IL1RAPL2: variants seen among roughly 807,000 people sequenced by gnomAD.
The protein encoded by IL1RAPL2 is interleukin 1 receptor accessory protein like 2.
A neutral mutation model predicts 44.1 loss-of-function variants in IL1RAPL2; 3 were observed. That is an observed-to-expected ratio of 0.07 (90% CI 0.03 to 0.18). IL1RAPL2 has a LOEUF of 0.18. Ranked by LOEUF, IL1RAPL2 falls within the 10% of genes least tolerant of loss-of-function variation. The pLI is 1.00. For missense variants in IL1RAPL2, 391 were observed against 496.4 expected, an observed-to-expected ratio of 0.79 and a Z score of 2.02; for synonymous variants, 181 against 178.8, an observed-to-expected ratio of 1.01 and a Z score of -0.10.
intron 5 of IL1RAPL2, among the ~76,000 whole-genome samples, chrX:105,401,129 C>A (rs1285872846): frequency 1.8e-5 from 2 of 111,467 alleles, no homozygotes; most frequent in African/African-American, 6.5e-5. Flanking sequence ...GAGGGTGAAA[C>A]CTTCATAGCC....
At chrX:105,006,211 C>T (rs5962456) in intron 2 of IL1RAPL2, among the ~76,000 whole-genome samples, 1 of 108,741 alleles carries the variant, frequency 9.2e-6, no homozygotes, top group East Asian at 2.9e-4. Context: ...TTCCCCTCCT[C>T]GTGGGTATTT....
intron 2 of IL1RAPL2, among the ~76,000 whole-genome samples, chrX:105,161,264 C>G (rs1178971002): frequency 9.4e-6 from 1 of 106,719 alleles, no homozygotes; most frequent in Non-Finnish European, 1.9e-5. Flanking sequence ...CTTAAAATAA[C>G]TCACTACTTA....
chrX:105,411,907 C>T (rs891196607), intron 5 of IL1RAPL2, among the ~76,000 whole-genome samples: 10 of 111,652 alleles, frequency 9.0e-5, no homozygotes, highest in African/African-American at 2.6e-4. Flanking sequence ...TGTTAGGCCA[C>T]AAAACAAATA....
At chrX:104,910,830 A>G (rs1042863311) in intron 2 of IL1RAPL2, among the ~76,000 whole-genome samples, 4 of 112,098 alleles carry the variant, frequency 3.6e-5, no homozygotes, top group African/African-American at 1.3e-4. Context: ...TTAAATGGAT[A>G]TATTTTCAGA....
chrX:105,390,222 T>C (rs1458669588), intron 5 of IL1RAPL2, among the ~76,000 whole-genome samples: 1 of 111,315 alleles, frequency 9.0e-6, no homozygotes, highest in African/African-American at 3.3e-5. Flanking sequence ...CACACTTCAG[T>C]GGGTTTCCAT....
At chrX:104,860,501 A>G (rs1454213310) in intron 2 of IL1RAPL2, among the ~76,000 whole-genome samples, 1 of 111,823 alleles carries the variant, frequency 8.9e-6, no homozygotes. Flanking sequence ...ATAAAACATC[A>G]TCCTTACCTT....
chrX:105,240,129 A>G (rs1427507080), intron 4 of IL1RAPL2, among the ~76,000 whole-genome samples: 1 of 112,531 alleles, frequency 8.9e-6, no homozygotes, highest in Non-Finnish European at 1.9e-5. Flanking sequence ...GGATTATTTT[A>G]TCTTTTTCAT....
intron 2 of IL1RAPL2, among the ~76,000 whole-genome samples, chrX:104,691,925 C>G (rs1375406113): frequency 1.8e-5 from 2 of 111,276 alleles, no homozygotes; most frequent in African/African-American, 6.5e-5. Flanking sequence ...GTCAGGTCTT[C>G]TCAAGCACCA....
chrX:105,471,882 T>G (rs747095635), intron 5 of IL1RAPL2, among the ~76,000 whole-genome samples: 1 of 111,861 alleles, frequency 8.9e-6, no homozygotes, highest in South Asian at 3.7e-4. Flanking sequence ...GACCACTTTT[T>G]GACTAAAGAT....
intron 9 of IL1RAPL2, 149 bp downstream of exon 9, chrX:105,749,252 C>A: frequency 2.3e-6 from 1 of 437,330 alleles, no homozygotes; most frequent in Non-Finnish European, 3.7e-6. Context: ...GTTTAGAAGA[C>A]TTACCAAGAA....
In IL1RAPL2 at chrX:105,430,167, G is replaced by A. The variant is rs571986796; in HGVS notation, c.698-54146G>A. Among the ~76,000 whole-genome samples, 7 of 111,668 alleles carry A rather than the reference G, an allele frequency of 6.3e-5. No homozygotes were observed. The East Asian group carries it at 8.5e-4, about 14-fold the overall frequency. On this transcript the variant is annotated intron_variant, in intron 5 of 10. Coordinates refer to ENST00000372582, the MANE Select transcript of IL1RAPL2 (RefSeq NM_017416.2). ...TTCGCATTAATGATTCTTAACCCCA[G>A]TATGACAATAATATGGGGCAGGAAG...
chrX:105,762,536 C>T (rs1237162512), intron 10 of IL1RAPL2, among the ~76,000 whole-genome samples: 1 of 111,954 alleles, frequency 8.9e-6, no homozygotes, highest in Non-Finnish European at 1.9e-5. Context: ...AAACTATGTT[C>T]AAGGAGACTT....
chrX:104,749,080 A>T (rs1468255424), intron 2 of IL1RAPL2, among the ~76,000 whole-genome samples: 1 of 111,444 alleles, frequency 9.0e-6, no homozygotes, highest in African/African-American at 3.3e-5. Flanking sequence ...GGGAAATATA[A>T]CAGTAAGGAT....
chrX:105,593,592 T>C (rs1404713596), intron 6 of IL1RAPL2, among the ~76,000 whole-genome samples: 1 of 111,545 alleles, frequency 9.0e-6, no homozygotes, highest in Non-Finnish European at 1.9e-5. Flanking sequence ...TTGGATGGAT[T>C]TTTTTTTCGC....
intron 2 of IL1RAPL2, among the ~76,000 whole-genome samples, chrX:104,978,194 A>T (rs1479479779): frequency 3.6e-5 from 4 of 112,144 alleles, no homozygotes; most frequent in Admixed American, 9.5e-5. Context: ...AATTGATGAT[A>T]CTTCTATGTA....
chrX:105,713,933 C>T (rs375171975), intron 6 of IL1RAPL2, among the ~76,000 whole-genome samples: 1 of 111,092 alleles, frequency 9.0e-6, no homozygotes, highest in Admixed American at 9.6e-5. Context: ...ATCTTTAAGC[C>T]ATCTCTTTGC....
intron 2 of IL1RAPL2, among the ~76,000 whole-genome samples, chrX:105,014,507 C>T (rs141711828): frequency 0.022 from 2,459 of 110,862 alleles, 58 homozygotes; most frequent in African/African-American, 0.077. Context: ...ATGTTCCCCT[C>T]TCTGTGTCCA....
chrX:104,798,503 A>T (rs1278668567), intron 2 of IL1RAPL2, among the ~76,000 whole-genome samples: 12 of 106,551 alleles, frequency 1.1e-4, no homozygotes, highest in East Asian at 2.9e-4. Flanking sequence ...CTAAAAATAA[A>T]AAAAAAAAAA....
chrX:104,898,585 A>T (rs1422386407), intron 2 of IL1RAPL2, among the ~76,000 whole-genome samples: 1 of 112,605 alleles, frequency 8.9e-6, no homozygotes, highest in Non-Finnish European at 1.9e-5. Context: ...TATCTCCTTA[A>T]CTTAACTCTT....
Sources: allele counts gnomAD v4.1 joint callset (sites outside exome capture counted in the v4.1 genomes callset), GRCh38; gene constraint gnomAD v4.1.1; transcripts MANE v1.5; gene names NCBI Gene and HGNC (gene_info 2026-07-23, HGNC 2026-07-21).